STARD13: variants seen among roughly 807,000 people sequenced by gnomAD.
STARD13 encodes the protein stAR-related lipid transfer protein 13.
Under a neutral mutation model 106.4 loss-of-function variants are expected in STARD13, and 62 were observed. The observed-to-expected ratio is 0.58, with a 90% CI of 0.48 to 0.72. The LOEUF (loss-of-function observed/expected upper bound fraction) is 0.72, where lower values mean the gene tolerates loss of function less well. Ranked by LOEUF, STARD13 falls within the 30% of genes least tolerant of loss-of-function variation. The probability of loss-of-function intolerance (pLI) is 0.00; values close to 1 mark genes in which losing one functional copy is unlikely to be tolerated. For synonymous variants in STARD13, 565 were observed against 553.0 expected (o/e 1.02, Z -0.31); for missense variants, 1,387 against 1,424.0 (o/e 0.97, Z 0.42).
At chr13:33,157,320 T>C (rs1882100059) in intron 3 of STARD13, among the ~76,000 whole-genome samples, 1 of 152,200 alleles carries the variant, frequency 6.6e-6, no homozygotes, top group African/African-American at 2.4e-5. Context: ...TTAATTAGTA[T>C]TTATTAAAAA....
the STARD13 span, among the ~76,000 whole-genome samples, chr13:33,437,302 C>T: frequency 2.0e-5 from 3 of 152,138 alleles, no homozygotes; most frequent in African/African-American, 7.2e-5. Flanking sequence ...CGATCACGAC[C>T]CTCTCACATG....
chr13:33,211,798 G>A (rs1427402129), intron 1 of STARD13, among the ~76,000 whole-genome samples: 2 of 147,872 alleles, frequency 1.4e-5, no homozygotes, highest in Non-Finnish European at 3.0e-5. Context: ...GACAGAGAGA[G>A]CTGACTCTGT....
the STARD13 span, among the ~76,000 whole-genome samples, chr13:33,582,910 C>T: frequency 6.6e-6 from 1 of 152,204 alleles, no homozygotes; most frequent in Non-Finnish European, 1.5e-5. Context: ...TCACATTTCT[C>T]ATATTGCTTG....
At chr13:33,314,138 A>G (rs1893242972) in intron 1 of STARD13, among the ~76,000 whole-genome samples, 1 of 152,128 alleles carries the variant, frequency 6.6e-6, no homozygotes, top group Non-Finnish European at 1.5e-5. Flanking sequence ...AATACCGGTA[A>G]GGGCTGGCAC....
chr13:33,551,897 C>T, the STARD13 span, among the ~76,000 whole-genome samples: 1 of 151,834 alleles, frequency 6.6e-6, no homozygotes, highest in Admixed American at 6.6e-5. Flanking sequence ...CACAGGTTGC[C>T]ATGAGACAGA....
At position 33,105,395 on chromosome 13, in the gene STARD13, T is replaced by A. The variant is rs1245416350; in HGVS notation, c.*198A>T. ...TTTTAAAATTATATTAGTAGGGATGTAGCCATCTCCAGGAAGGCTAAGAAA... is the reference window on the plus strand; with the variant it reads ...TTTTAAAATTATATTAGTAGGGATGAAGCCATCTCCAGGAAGGCTAAGAAA... On this transcript the variant is annotated 3_prime_UTR_variant, in exon 14 of 14. Coordinates refer to ENST00000336934, the MANE Select transcript of STARD13 (RefSeq NM_178006.4). 1.8e-6 allele frequency: 1 copy of A among 552,420 alleles called. No individual in the cohort carries two copies. The highest frequency in any genetic ancestry group is 2.8e-5 in the East Asian group (1 of 35,484). The allele number at this position is 552,420 out of a possible 1,614,324, so 34.2% of individuals were successfully genotyped here.
the STARD13 span, among the ~76,000 whole-genome samples, chr13:33,489,474 C>A: frequency 5.9e-5 from 9 of 152,150 alleles, no homozygotes; most frequent in Non-Finnish European, 1.2e-4. Context: ...TCTTCATTTT[C>A]TTTCTCTGAC....
intron 8 of STARD13, 142 bp downstream of exon 8, chr13:33,117,923 C>T (rs1875630427): frequency 1.4e-6 from 2 of 1,420,100 alleles, no homozygotes; most frequent in Non-Finnish European, 1.8e-6. Flanking sequence ...GCAAAAGTTA[C>T]TTCCGTAGAG....
the STARD13 span, among the ~76,000 whole-genome samples, chr13:33,381,383 T>C: frequency 1.2e-3 from 184 of 152,314 alleles, no homozygotes; most frequent in Non-Finnish European, 2.5e-3. Context: ...TATATACATA[T>C]GGGCACATAC....
chr13:33,466,635 G>T, the STARD13 span, among the ~76,000 whole-genome samples: 1 of 152,024 alleles, frequency 6.6e-6, no homozygotes, highest in African/African-American at 2.4e-5. Flanking sequence ...GTATTTCATT[G>T]TATCTTACTG....
chr13:33,648,101 TCATGACAAACAAGCCTA>T, the STARD13 span, among the ~76,000 whole-genome samples: 1 of 152,178 alleles, frequency 6.6e-6, no homozygotes, highest in Non-Finnish European at 1.5e-5. Context: ...TCCAACTGCC[TCATGACAAACAAGCCTA>T]CATGACAAAC....
intron 1 of STARD13, among the ~76,000 whole-genome samples, chr13:33,270,810 A>T (rs779556876): frequency 6.6e-6 from 1 of 152,190 alleles, no homozygotes; most frequent in Non-Finnish European, 1.5e-5. Context: ...TCTTATCCAT[A>T]GTTTAGGCTG....
the STARD13 span, among the ~76,000 whole-genome samples, chr13:33,434,352 C>CAAAAAAA: frequency 3.8e-4 from 27 of 70,262 alleles, no homozygotes; most frequent in South Asian, 5.8e-4. Context: ...GACTCTGTCT[C>CAAAAAAA]AAAAAAAAAA....
intron 5 of STARD13, among the ~76,000 whole-genome samples, chr13:33,127,756 C>G (rs548431468): frequency 1.8e-4 from 27 of 152,230 alleles, no homozygotes; most frequent in Non-Finnish European, 3.2e-4. Context: ...TCTTATTATC[C>G]ATTTTATTAG....
chr13:33,508,551 C>T, the STARD13 span, among the ~76,000 whole-genome samples: 59 of 152,290 alleles, frequency 3.9e-4, no homozygotes, highest in East Asian at 0.011. Context: ...ATTATTTGCA[C>T]TGAAGCGAAC....
the STARD13 span, among the ~76,000 whole-genome samples, chr13:33,402,698 G>A: frequency 1.3e-5 from 2 of 152,246 alleles, no homozygotes; most frequent in South Asian, 2.1e-4. Context: ...AGGAGATGAG[G>A]AGAAAAGCAG....
intron 12 of STARD13, 33 bp from the exon 13 acceptor site, chr13:33,106,967 G>T: frequency 6.3e-7 from 1 of 1,582,402 alleles, no homozygotes. Context: ...TCAGAGTCAT[G>T]ACTGAGGGAG....
At chr13:33,126,680 G>A (rs1240387636) in intron 6 of STARD13, among the ~76,000 whole-genome samples, 1 of 152,206 alleles carries the variant, frequency 6.6e-6, no homozygotes, top group Non-Finnish European at 1.5e-5. Context: ...TCTAGAGCCA[G>A]TTGTAGTTTT....
chr13:33,243,021 C>T (rs1402888564), intron 1 of STARD13, among the ~76,000 whole-genome samples: 1 of 152,094 alleles, frequency 6.6e-6, no homozygotes, highest in East Asian at 1.9e-4. Flanking sequence ...TCAGAAAACA[C>T]CTCTCCATCA....
Sources: gnomAD v4.1 joint callset for allele counts (sites outside exome capture counted in the v4.1 genomes callset) on GRCh38, gnomAD v4.1.1 for gene constraint, MANE v1.5 for transcripts, NCBI Gene and HGNC (gene_info 2026-07-23, HGNC 2026-07-21) for gene names.